Variants in RPS17 observed in about 807,000 individuals in gnomAD.
The protein encoded by RPS17 is small ribosomal subunit protein eS17.
For missense variants in RPS17, 68 were observed against 182.3 expected, an observed-to-expected ratio of 0.37 and a Z score of 3.61; for synonymous variants, 75 against 65.6, an observed-to-expected ratio of 1.14 and a Z score of -0.70.
In RPS17 at chr15:82,538,853, A is replaced by G. The variant is rs1002877399; in HGVS notation, c.261+27T>C. 3 of 1,610,622 alleles carry G rather than the reference A, an allele frequency of 1.9e-6. No homozygotes were observed. The South Asian group carries it at 3.3e-5, about 18-fold the overall frequency. Reference sequence around the variant, plus strand: ...TAGCTTTATCATTTGAGGATTAGCCAGAAGCCCAAATATCCAGAAAGTTTA... The same window carrying G: ...TAGCTTTATCATTTGAGGATTAGCCGGAAGCCCAAATATCCAGAAAGTTTA... On this transcript the variant is annotated intron_variant, in intron 3 of 4. Coordinates refer to ENST00000647841, the MANE Select transcript of RPS17 (RefSeq NM_001021.6).
At chr15:82,537,225 T>A in intron 4 of RPS17, 1 of 420,128 alleles carries the variant, frequency 2.4e-6, no homozygotes, top group Non-Finnish European at 4.5e-6. Flanking sequence ...ACATTCTTTG[T>A]TATAGGCAGC....
chr15:82,538,141 A>G, intron 4 of RPS17, 165 bp downstream of exon 4: 1 of 733,198 alleles, frequency 1.4e-6, no homozygotes. Context: ...CTCAATGCAC[A>G]CAACTTCCGC....
chr15:82,539,094 GA>G (rs2034293574), intron 2 of RPS17, 109 bp from the exon 3 acceptor site: 1 of 1,093,062 alleles, frequency 9.1e-7, no homozygotes. Context: ...TTTCCACAGT[GA>G]GAAGGAAGAG....
chr15:82,540,190 C>G, intron 1 of RPS17, 58 bp from the exon 2 acceptor site: 3 of 1,613,022 alleles, frequency 1.9e-6, no homozygotes, highest in Admixed American at 1.7e-5. Context: ...GGGAAGAGTG[C>G]GGCGCCGAGC....
chr15:82,537,469 C>A, intron 4 of RPS17: 1 of 287,806 alleles, frequency 3.5e-6, no homozygotes, highest in East Asian at 9.5e-5. Context: ...GTACACAAGG[C>A]ATCAAGCAGA....
intron 4 of RPS17, chr15:82,538,068 C>T (rs1390808611): frequency 3.3e-5 from 19 of 574,162 alleles, no homozygotes; most frequent in Non-Finnish European, 4.4e-5. Context: ...CAGAAGCAGC[C>T]AAGAGAGAAA....
intron 4 of RPS17, chr15:82,537,866 A>G: frequency 4.4e-5 from 20 of 456,278 alleles, no homozygotes; most frequent in Middle Eastern, 6.5e-4. Context: ...CATAGAAAAA[A>G]CATCAAAGTG....
chr15:82,539,704 A>AAAAG, intron 2 of RPS17: 2 of 585,460 alleles, frequency 3.4e-6, no homozygotes, highest in Non-Finnish European at 6.0e-6. Context: ...AAAAAGAAAA[A>AAAAG]AAAGAAAGAA....
chr15:82,540,233 G>C (rs904287163), intron 1 of RPS17, 101 bp from the exon 2 acceptor site: 10 of 1,609,496 alleles, frequency 6.2e-6, no homozygotes, highest in Admixed American at 3.3e-5. Flanking sequence ...CGCCGGCTGC[G>C]CTGAGCCGGA....
chr15:82,539,704 A>T, intron 2 of RPS17: 1 of 585,460 alleles, frequency 1.7e-6, no homozygotes, highest in Non-Finnish European at 3.0e-6. Context: ...AAAAAGAAAA[A>T]AAAGAAAGAA....
chr15:82,538,276 T>A (rs1054847405), intron 4 of RPS17, 30 bp downstream of exon 4: 176 of 1,612,318 alleles, frequency 1.1e-4, no homozygotes, highest in Admixed American at 2.5e-4. Flanking sequence ...ACCAGGAAAA[T>A]ACCACTTTAG....
rs1048829127 is a variant in RPS17 at position 82,538,695 on chromosome 15, T to A, written c.261+185A>T. 4.6e-3 allele frequency: 3,252 copies of A among 712,858 alleles called. 73 individuals are homozygous for A. In the African/African-American group the frequency reaches 0.052, roughly 11 times the overall value. The allele number at this position is 712,858 out of a possible 1,614,324, so 44.2% of individuals were successfully genotyped here. A position where few individuals can be genotyped will look rare whatever the true frequency, so the allele number is the denominator to read the frequency against. ...GCTCTCATGAAATATGGAATAGACT[T>A]AACTGGTTCCAGAAGAGCAGAATGG... On this transcript the variant is annotated intron_variant, in intron 3 of 4. Coordinates refer to ENST00000647841, the MANE Select transcript of RPS17 (RefSeq NM_001021.6).
At chr15:82,537,832 G>A (rs1332222729) in intron 4 of RPS17, 6 of 455,012 alleles carry the variant, frequency 1.3e-5, no homozygotes, top group African/African-American at 1.0e-4. Context: ...TTTCACCCAA[G>A]TATGCAAAAG....
chr15:82,539,642 T>A, intron 2 of RPS17: 1 of 426,132 alleles, frequency 2.3e-6, no homozygotes, highest in Non-Finnish European at 4.4e-6. Context: ...TGAGCCGAGA[T>A]GGCGCCACTG....
intron 2 of RPS17, chr15:82,539,251 CACG>C: frequency 4.9e-6 from 3 of 616,394 alleles, no homozygotes; most frequent in Non-Finnish European, 9.1e-6. Flanking sequence ...CCCGCAGTTT[CACG>C]ACCCTTCACA....
chr15:82,536,941 G>A (rs1205663300), intron 4 of RPS17, 60 bp from the exon 5 acceptor site: 9 of 1,601,226 alleles, frequency 5.6e-6, no homozygotes, highest in African/African-American at 1.3e-5. Context: ...GTGGACCCCA[G>A]AAGAAAACAC....
At chr15:82,538,124 G>T in intron 4 of RPS17, 182 bp downstream of exon 4, 2 of 673,658 alleles carry the variant, frequency 3.0e-6, no homozygotes, top group Non-Finnish European at 5.6e-6. Context: ...ATCTTGTGGC[G>T]AACTAACTCA....
chr15:82,540,216 T>C, intron 1 of RPS17, 84 bp from the exon 2 acceptor site: 1 of 1,611,280 alleles, frequency 6.2e-7, no homozygotes, highest in South Asian at 1.1e-5. Flanking sequence ...CCGGTGTGGT[T>C]GGGGACCGCC....
chr15:82,540,450 G>C lies in RPS17; in HGVS notation c.-22C>G, dbSNP rs1017160317. 5 of 1,590,192 alleles carry C rather than the reference G, an allele frequency of 3.1e-6. No homozygotes were observed. The highest frequency in any genetic ancestry group is 4.3e-6 in the Non-Finnish European group (5 of 1,169,614). On this transcript the variant is annotated 5_prime_UTR_variant, in exon 1 of 5. Coordinates refer to ENST00000647841, the MANE Select transcript of RPS17 (RefSeq NM_001021.6). ...CCATGTTGGCGGGTCCTTGGTAAAA[G>C]AGGAAACAGGAAGCACAGGCGAAGC...
Sources: gnomAD v4.1 joint callset for allele counts on GRCh38, gnomAD v4.1.1 for gene constraint, MANE v1.5 for transcripts, NCBI Gene and HGNC (gene_info 2026-07-23, HGNC 2026-07-21) for gene names.